Variants in HDAC4 observed in about 807,000 individuals in gnomAD.
HDAC4 encodes the protein histone deacetylase 4.
In HDAC4, 16 loss-of-function variants were observed where a neutral mutation model predicts 135.1. The observed-to-expected ratio is 0.12, with a 90% confidence interval of 0.08 to 0.18. HDAC4 has a LOEUF of 0.18. Ranked by LOEUF, HDAC4 falls within the 10% of genes least tolerant of loss-of-function variation. The pLI is 1.00. For missense variants in HDAC4, 1,143 were observed against 1,511.8 expected (o/e 0.76, Z 4.05); for synonymous variants, 685 against 653.4 (o/e 1.05, Z -0.74).
At chr2:239,084,892 C>A (rs188945577) in intron 19 of HDAC4, among the ~76,000 whole-genome samples, 22 of 149,146 alleles carry the variant, frequency 1.5e-4, no homozygotes, top group Non-Finnish European at 3.0e-4. Flanking sequence ...ACCCCCCCCA[C>A]GTAGACACAC....
chr2:239,082,297 C>G lies in HDAC4; in HGVS notation c.2533-76G>C. 4 of 1,584,828 alleles carry G rather than the reference C, an allele frequency of 2.5e-6. No individual in the cohort carries two copies. In the South Asian group the frequency reaches 4.4e-5, roughly 18 times the overall value. The stretch of plus-strand genomic sequence containing the variant: ...GGCCTCCCCTGAGGGCCGTCCCCAA[C>G]CCCAGTTGTGCTTAGTGACAACGGC... On this transcript the variant is annotated intron_variant, in intron 20 of 26. Coordinates refer to ENST00000543185, the MANE Select transcript of HDAC4 (RefSeq NM_001378414.1).
intron 2 of HDAC4, among the ~76,000 whole-genome samples, chr2:239,310,259 C>CT (rs2052806969): frequency 6.6e-6 from 1 of 152,224 alleles, no homozygotes. Context: ...ATGTCAGTGA[C>CT]TTGGGGGTCT....
At chr2:239,327,917 C>T (rs148984401) in intron 2 of HDAC4, among the ~76,000 whole-genome samples, 76 of 152,342 alleles carry the variant, frequency 5.0e-4, no homozygotes, top group African/African-American at 1.1e-3. Flanking sequence ...ATGCTCTCCC[C>T]GCATACACAC....
chr2:239,331,037 C>G lies in HDAC4; in HGVS notation c.22+21641G>C, dbSNP rs748274450. Among the ~76,000 whole-genome samples, 1 of 151,844 alleles carries G rather than the reference C, an allele frequency of 6.6e-6. No individual in the cohort carries two copies. Among genetic ancestry groups the G allele is most frequent in the Non-Finnish European group, 1.5e-5 (1 of 68,036 alleles). On this transcript the variant is annotated intron_variant, in intron 2 of 26. Transcript: ENST00000543185. The surrounding 1 kb of genome is among the most constrained non-coding windows in gnomAD (Gnocchi z 4.5). The stretch of plus-strand genomic sequence containing the variant: ...CCCAACCTGCCTGACCTTGGCTGCC[C>G]GAAATTCGGAGTGGGGAGGAAGGCA...
At position 239,051,014 on chromosome 2, in the gene HDAC4, C is replaced by T. The variant is rs754804046; in HGVS notation, c.*2083G>A. The T allele has an allele frequency of 6.6e-6, 1 of 152,630 alleles. No individual in the cohort carries two copies. Among genetic ancestry groups the T allele is most frequent in the Admixed American group, 6.5e-5 (1 of 15,274 alleles). The allele number at this position is 152,630 out of a possible 1,614,324, so 9.5% of individuals were successfully genotyped here. A position where few individuals can be genotyped will look rare whatever the true frequency, so the allele number is the denominator to read the frequency against. On this transcript the variant is annotated 3_prime_UTR_variant, in exon 27 of 27. Coordinates refer to ENST00000543185, the MANE Select transcript of HDAC4 (RefSeq NM_001378414.1). ...CCACGTGTGCCCCATGCATTGCTGACATGCTCAAAAGGTCTTTGGAAAACT... is the reference window on the plus strand; with the variant it reads ...CCACGTGTGCCCCATGCATTGCTGATATGCTCAAAAGGTCTTTGGAAAACT...
At chr2:239,250,077 G>T (rs79031064) in intron 2 of HDAC4, among the ~76,000 whole-genome samples, 1 of 152,246 alleles carries the variant, frequency 6.6e-6, no homozygotes, top group Non-Finnish European at 1.5e-5. Flanking sequence ...GATGGCCACC[G>T]CGGCCTCTCC....
intron 11 of HDAC4, among the ~76,000 whole-genome samples, chr2:239,133,623 C>T (rs535756127): frequency 2.6e-5 from 4 of 152,198 alleles, no homozygotes; most frequent in African/African-American, 4.8e-5. Flanking sequence ...TGCGCCACCA[C>T]GCCCAGCTAA....
intron 2 of HDAC4, among the ~76,000 whole-genome samples, chr2:239,322,982 G>A (rs934530593): frequency 3.3e-5 from 5 of 152,120 alleles, no homozygotes; most frequent in East Asian, 1.9e-4. Context: ...TGCCACAAAC[G>A]GCTCACTCTT....
chr2:239,061,620 G>A (rs1285860762), intron 24 of HDAC4, among the ~76,000 whole-genome samples: 1 of 152,208 alleles, frequency 6.6e-6, no homozygotes, highest in Non-Finnish European at 1.5e-5. Context: ...GCCATGTGGG[G>A]TGTCAGTGTG....
intron 17 of HDAC4, chr2:239,091,733 A>C (rs2036522102): frequency 6.6e-6 from 1 of 152,090 alleles, no homozygotes; most frequent in South Asian, 2.1e-4. Flanking sequence ...CATTTCCTGA[A>C]GTGTATTCGG....
chr2:239,223,454 T>C (rs2047076554), intron 3 of HDAC4, among the ~76,000 whole-genome samples: 1 of 152,122 alleles, frequency 6.6e-6, no homozygotes, highest in East Asian at 1.9e-4. Context: ...CAGGTGGAAA[T>C]GCAGAAGGCA....
intron 2 of HDAC4, among the ~76,000 whole-genome samples, chr2:239,273,149 A>C (rs1443790124): frequency 2.0e-5 from 3 of 152,218 alleles, no homozygotes; most frequent in Non-Finnish European, 4.4e-5. Flanking sequence ...GGAATTATAC[A>C]AGGTGACAAG....
chr2:239,242,281 C>T (rs1468163541), intron 2 of HDAC4, among the ~76,000 whole-genome samples: 1 of 151,604 alleles, frequency 6.6e-6, no homozygotes, highest in Non-Finnish European at 1.5e-5. Flanking sequence ...CCTGGGATTG[C>T]ACTGCATCTG....
At chr2:239,360,965 GCAC>G (rs1486179768) in intron 1 of HDAC4, among the ~76,000 whole-genome samples, 1 of 152,128 alleles carries the variant, frequency 6.6e-6, no homozygotes, top group Non-Finnish European at 1.5e-5. Flanking sequence ...GACAGGAAAG[GCAC>G]CTCTCTCTCC....
At chr2:239,251,732 T>C (rs1207061260) in intron 2 of HDAC4, among the ~76,000 whole-genome samples, 1 of 152,050 alleles carries the variant, frequency 6.6e-6, no homozygotes, top group Non-Finnish European at 1.5e-5. Flanking sequence ...CATTATTCAA[T>C]GGTACAAATG....
intron 1 of HDAC4, among the ~76,000 whole-genome samples, chr2:239,357,888 CAAAAAAAAA>C (rs71043188): frequency 2.7e-4 from 15 of 55,644 alleles, no homozygotes; most frequent in East Asian, 1.6e-3. Context: ...GCCTCTGTTC[CAAAAAAAAA>C]AAAAAAAAAA....
At chr2:239,391,761 G>C (rs1349412046) in intron 1 of HDAC4, among the ~76,000 whole-genome samples, 1 of 152,180 alleles carries the variant, frequency 6.6e-6, no homozygotes, top group Non-Finnish European at 1.5e-5. Context: ...CCACCAATCA[G>C]ACCCTTCACC....
At chr2:239,373,706 C>T (rs1412693220) in intron 1 of HDAC4, among the ~76,000 whole-genome samples, 1 of 152,156 alleles carries the variant, frequency 6.6e-6, no homozygotes, top group Non-Finnish European at 1.5e-5. Flanking sequence ...TCAGGTGATC[C>T]GCCTGCCTCA....
chr2:239,358,542 G>A (rs1186885911), intron 1 of HDAC4, among the ~76,000 whole-genome samples: 1 of 152,176 alleles, frequency 6.6e-6, no homozygotes, highest in African/African-American at 2.4e-5. Context: ...CTAGTGCTAG[G>A]TGTGCTAACT....
Sources: gnomAD v4.1 joint callset for allele counts (sites outside exome capture counted in the v4.1 genomes callset) on GRCh38, gnomAD v4.1.1 for gene constraint, Gnocchi (gnomAD v3.1) non-coding constraint, MANE v1.5 for transcripts, NCBI Gene and HGNC (gene_info 2026-07-23, HGNC 2026-07-21) for gene names.